The following RREB1 variants were observed in gnomAD, a reference collection of about 807,000 sequenced individuals.
RREB1 encodes ras responsive element binding protein 1, also known as ras-responsive element-binding protein 1.
In RREB1, 27 loss-of-function variants were observed where a neutral mutation model predicts 117.8. That is an observed-to-expected ratio of 0.23 (90% CI 0.17 to 0.32). RREB1 has a LOEUF of 0.32. RREB1 is among the 10% of genes least tolerant of loss of function. The pLI is 1.00. For missense variants in RREB1, 2,577 were observed against 2,378.2 expected (o/e 1.08, Z -1.74); for synonymous variants, 1,298 against 1,026.7 (o/e 1.26, Z -5.05).
chr6:7,134,570 T>C (rs537367435), intron 1 of RREB1, among the ~76,000 whole-genome samples: 1 of 152,394 alleles, frequency 6.6e-6, no homozygotes, highest in South Asian at 2.1e-4. Flanking sequence ...TTTTAGATTC[T>C]GTTGAGAAGC....
chr6:7,233,525 A>G (rs757856222), intron 10 of RREB1, among the ~76,000 whole-genome samples: 1 of 152,272 alleles, frequency 6.6e-6, no homozygotes, highest in Non-Finnish European at 1.5e-5. Flanking sequence ...TGAATTTCAG[A>G]TAGACAACAA....
At chr6:7,204,891 T>C (rs550248479) in intron 6 of RREB1, among the ~76,000 whole-genome samples, 5 of 152,366 alleles carry the variant, frequency 3.3e-5, no homozygotes, top group African/African-American at 1.2e-4. Context: ...AAGTAATCTT[T>C]GGTTTGGATC....
chr6:7,246,765 G>C lies in RREB1; in HGVS notation c.4315G>C (p.Gly1439Arg). 6.4e-7 allele frequency: 1 copy of C among 1,559,352 alleles called. No homozygotes were observed. The highest frequency in any genetic ancestry group is 8.7e-7 in the Non-Finnish European group (1 of 1,153,230). Residue 1439 changes from glycine (G) to arginine (R), a missense_variant, in exon 12 of 13, where the codon GGG (glycine) becomes CGG (arginine). Transcript: ENST00000379938. ...GGAGGGCGACGGCGAGGCAGGCGCC[G>C]GGGGCGCGGCCTCGCAGGAGCAGAA... ...LAEGDGEAGA[G>R]GAASQEQKLA...
chr6:7,223,681 T>C (rs1188119862), intron 8 of RREB1, among the ~76,000 whole-genome samples: 2 of 152,092 alleles, frequency 1.3e-5, no homozygotes, highest in Non-Finnish European at 1.5e-5. Context: ...ACATTACATA[T>C]ATGCAAATAC....
At chr6:7,147,265 A>G (rs1327338604) in intron 1 of RREB1, among the ~76,000 whole-genome samples, 1 of 152,240 alleles carries the variant, frequency 6.6e-6, no homozygotes, top group African/African-American at 2.4e-5. Context: ...AATCAGTAAT[A>G]GGAAAGAAAT....
chr6:7,165,893 G>T (rs929407680), intron 1 of RREB1, among the ~76,000 whole-genome samples: 1 of 152,140 alleles, frequency 6.6e-6, no homozygotes, highest in African/African-American at 2.4e-5. Context: ...CTTGCAAAGG[G>T]GTTATCTGTT....
intron 10 of RREB1, among the ~76,000 whole-genome samples, chr6:7,236,733 G>GTTT (rs200944003): frequency 1.5e-5 from 2 of 136,202 alleles, no homozygotes; most frequent in African/African-American, 2.7e-5. Flanking sequence ...TTTCAGTTCT[G>GTTT]TTTTTTTTTT....
In RREB1 at chr6:7,237,235, G is replaced by A. The variant is rs141957664; in HGVS notation, c.3809-3203G>A. 4.9e-3 allele frequency among the ~76,000 whole-genome samples: 751 copies of A among 152,118 alleles called. 5 individuals are homozygous for A. Among genetic ancestry groups the A allele is most frequent in the African/African-American group, 0.017 (686 of 41,502 alleles). On this transcript the variant is annotated intron_variant, in intron 10 of 12. Coordinates refer to ENST00000379938, the MANE Select transcript of RREB1 (RefSeq NM_001003699.4). ...AGAGTAGCTGGGATTACAGGTGCGC[G>A]CCACTGCACCCAACTAATTTTTTGT...
intron 1 of RREB1, among the ~76,000 whole-genome samples, chr6:7,155,040 G>T (rs887894073): frequency 6.6e-6 from 1 of 152,108 alleles, no homozygotes; most frequent in South Asian, 2.1e-4. Flanking sequence ...TGTTAGGGGC[G>T]GAACGAAGGG....
intron 1 of RREB1, among the ~76,000 whole-genome samples, chr6:7,124,462 A>G (rs910146883): frequency 1.3e-5 from 2 of 152,222 alleles, no homozygotes; most frequent in Admixed American, 1.3e-4. Context: ...GGTAGCTAGC[A>G]TTGCCTCTTG....
chr6:7,200,210 A>ATG (rs200056706), intron 6 of RREB1, among the ~76,000 whole-genome samples: 8 of 141,850 alleles, frequency 5.6e-5, no homozygotes, highest in Admixed American at 3.5e-4. Context: ...ATATGTATGT[A>ATG]TGTGTGTGTA....
chr6:7,209,407 C>G (rs1371939293), intron 6 of RREB1, among the ~76,000 whole-genome samples: 1 of 152,110 alleles, frequency 6.6e-6, no homozygotes, highest in African/African-American at 2.4e-5. Context: ...TTCTTTTTTG[C>G]TCCTAATGCT....
At chr6:7,118,714 A>C (rs1320763986) in intron 1 of RREB1, among the ~76,000 whole-genome samples, 2 of 150,190 alleles carry the variant, frequency 1.3e-5, no homozygotes, top group African/African-American at 4.9e-5. Flanking sequence ...CCTGTCCTGG[A>C]GTGTGATTCA....
chr6:7,126,876 T>C (rs887983108), intron 1 of RREB1, among the ~76,000 whole-genome samples: 37 of 152,038 alleles, frequency 2.4e-4, no homozygotes, highest in African/African-American at 7.7e-4. Flanking sequence ...GCCCTAAAAC[T>C]CGTCAGTGCC....
intron 1 of RREB1, among the ~76,000 whole-genome samples, chr6:7,123,535 A>G (rs1761771934): frequency 6.6e-6 from 1 of 151,036 alleles, no homozygotes; most frequent in African/African-American, 2.4e-5. Context: ...AAATAAATAC[A>G]TGTTTTGGAA....
chr6:7,207,780 C>T (rs1766359368), intron 6 of RREB1, among the ~76,000 whole-genome samples: 1 of 152,238 alleles, frequency 6.6e-6, no homozygotes, highest in South Asian at 2.1e-4. Context: ...GAACGCATTA[C>T]AGAAACGCAG....
At chr6:7,117,397 T>TTG (rs1761455402) in intron 1 of RREB1, among the ~76,000 whole-genome samples, 1 of 28,796 alleles carries the variant, frequency 3.5e-5, no homozygotes, top group African/African-American at 8.1e-5. Context: ...TGTTTTTTTT[T>TTG]TTTTTTTTTT....
Position 7,230,737 on chromosome 6 carries a change from C to T in RREB1, c.2638C>T (p.Pro880Ser). The T allele has an allele frequency of 6.2e-7, 1 of 1,606,720 alleles. No individual in the cohort carries two copies. Among genetic ancestry groups the T allele is most frequent in the Non-Finnish European group, 8.5e-7 (1 of 1,175,750 alleles). ...CAGGGGCCCCACCCAGCCTCCACCT[C>T]CCCATGTCTCGATCAAGTTGGAGCC... ...LHRGPTQPPP[P>S]HVSIKLEPAS... is the part of the protein sequence containing the mutation. Residue 880 changes from proline (P) to serine (S), a missense_variant, in exon 10 of 13, where the codon CCC becomes TCC. By Grantham distance (74) the Pro-to-Ser change is moderately conservative. Transcript: ENST00000379938.
rs115841491 is a variant in RREB1, at chr6:7,220,824, C to T, written c.708-5643C>T. Among the ~76,000 whole-genome samples, 580 of 152,282 alleles carry T rather than the reference C, an allele frequency of 3.8e-3. 1 individual carries two copies. The highest frequency in any genetic ancestry group is 0.017 in the Middle Eastern group (5 of 294). On this transcript the variant is annotated intron_variant, in intron 8 of 12. Coordinates refer to ENST00000379938, the MANE Select transcript of RREB1 (RefSeq NM_001003699.4). ...TGGCAGAGTGGAGATACGCCACAGA[C>T]GGGTTGAGGAGAGAGTCGTGGGGAC... is the stretch of plus-strand genomic sequence containing the variant.
Sources: allele counts gnomAD v4.1 joint callset (sites outside exome capture counted in the v4.1 genomes callset), GRCh38; gene constraint gnomAD v4.1.1; transcripts MANE v1.5; gene names NCBI Gene and HGNC (gene_info 2026-07-23, HGNC 2026-07-21).